DLG2: variants seen among roughly 807,000 people sequenced by gnomAD.
DLG2 encodes disks large homolog 2.
A neutral mutation model predicts 132.5 loss-of-function variants in DLG2; 45 were observed. That is an observed-to-expected ratio of 0.34 (90% CI 0.27 to 0.44). The LOEUF is 0.44. DLG2 is among the 20% of genes least tolerant of loss of function. The pLI is 1.00. For synonymous variants in DLG2, 424 were observed against 419.6 expected (o/e 1.01, Z -0.13); for missense variants, 1,045 against 1,196.9 (o/e 0.87, Z 1.87).
chr11:84,231,348 GA>G (rs565896019), intron 8 of DLG2, among the ~76,000 whole-genome samples: 38 of 152,108 alleles, frequency 2.5e-4, no homozygotes, highest in African/African-American at 4.3e-4. Flanking sequence ...TACATGAGGG[GA>G]AAAAAATCAT....
chr11:84,885,968 T>A (rs2088218877), intron 6 of DLG2, among the ~76,000 whole-genome samples: 1 of 152,114 alleles, frequency 6.6e-6, no homozygotes, highest in Non-Finnish European at 1.5e-5. Flanking sequence ...ATGCCCACTA[T>A]TCACTAGGTA....
At chr11:84,011,344 G>T (rs1045141161) in intron 11 of DLG2, among the ~76,000 whole-genome samples, 1 of 152,012 alleles carries the variant, frequency 6.6e-6, no homozygotes, top group African/African-American at 2.4e-5. Flanking sequence ...GGTGGCATGT[G>T]CCTGTGGTTC....
chr11:85,259,017 CT>C (rs1232176559), intron 4 of DLG2, among the ~76,000 whole-genome samples: 1 of 152,140 alleles, frequency 6.6e-6, no homozygotes, highest in Non-Finnish European at 1.5e-5. Flanking sequence ...CATCTGCCTC[CT>C]TTGAGGTTCT....
Position 84,306,998 on chromosome 11 carries a change from C to A in DLG2, c.520-55707G>T, listed in dbSNP as rs144020257. 3.7e-3 allele frequency among the ~76,000 whole-genome samples: 558 copies of A among 152,240 alleles called. 4 individuals carry two copies. The highest frequency in any genetic ancestry group is 5.1e-3 in the Admixed American group (78 of 15,302). On this transcript the variant is annotated intron_variant, in intron 7 of 27. Coordinates refer to ENST00000376104, the MANE Select transcript of DLG2 (RefSeq NM_001142699.3). The stretch of plus-strand genomic sequence containing the variant: ...CAACAAACCCATTACTGAGTATATA[C>A]CCGAAGGAATATAAATTATAAATTA...
intron 7 of DLG2, chr11:84,316,783 T>C: frequency 6.5e-7 from 1 of 1,543,664 alleles, no homozygotes; most frequent in South Asian, 1.2e-5. Context: ...TGCTCTCACT[T>C]TCTTCAGACA....
At chr11:83,630,436 C>T (rs2063361521) in intron 19 of DLG2, among the ~76,000 whole-genome samples, 1 of 152,152 alleles carries the variant, frequency 6.6e-6, no homozygotes, top group African/African-American at 2.4e-5. Context: ...AATTGTTTCT[C>T]ACAGAACAAA....
intron 18 of DLG2, among the ~76,000 whole-genome samples, chr11:83,662,780 T>C (rs1361946874): frequency 2.0e-5 from 3 of 152,184 alleles, no homozygotes; most frequent in Admixed American, 2.0e-4. Flanking sequence ...GTCAGTAGAA[T>C]TGCAGTTTAG....
chr11:83,857,715 A>AATTC (rs1217832450), intron 16 of DLG2, among the ~76,000 whole-genome samples: 2 of 152,190 alleles, frequency 1.3e-5, no homozygotes, highest in African/African-American at 4.8e-5. Flanking sequence ...TAGCATAATC[A>AATTC]ATTCTAACAA....
chr11:85,263,677 C>G (rs1426670861), intron 4 of DLG2, among the ~76,000 whole-genome samples: 2 of 152,180 alleles, frequency 1.3e-5, no homozygotes. Flanking sequence ...ACGTCTTTCC[C>G]CTGTGACCTT....
intron 13 of DLG2, among the ~76,000 whole-genome samples, chr11:83,963,657 T>C (rs1329529865): frequency 1.3e-5 from 2 of 152,002 alleles, no homozygotes; most frequent in East Asian, 3.9e-4. Context: ...CTTACTTAAA[T>C]GTTCTCCATT....
At chr11:84,591,450 T>C (rs1345987467) in intron 6 of DLG2, among the ~76,000 whole-genome samples, 1 of 151,798 alleles carries the variant, frequency 6.6e-6, no homozygotes, top group African/African-American at 2.4e-5. Context: ...GAGGATCACT[T>C]GGGGTCAGGA....
At chr11:85,208,046 G>C (rs1313693011) in intron 4 of DLG2, among the ~76,000 whole-genome samples, 1 of 151,882 alleles carries the variant, frequency 6.6e-6, no homozygotes, top group African/African-American at 2.4e-5. Context: ...CCAGCAATGG[G>C]GTACTTACTG....
chr11:85,476,215 A>G (rs759808155), intron 3 of DLG2, among the ~76,000 whole-genome samples: 2 of 152,138 alleles, frequency 1.3e-5, no homozygotes, highest in Non-Finnish European at 2.9e-5. Flanking sequence ...GTATCTAAAC[A>G]TAGAAAAGGA....
At chr11:84,366,631 T>C (rs990576974) in intron 7 of DLG2, among the ~76,000 whole-genome samples, 2 of 151,216 alleles carry the variant, frequency 1.3e-5, no homozygotes, top group Non-Finnish European at 3.0e-5. Flanking sequence ...ACCAAGCAAA[T>C]GGAAAACAAA....
intron 11 of DLG2, among the ~76,000 whole-genome samples, chr11:84,043,452 G>A (rs190343130): frequency 1.3e-5 from 2 of 151,852 alleles, no homozygotes; most frequent in Non-Finnish European, 2.9e-5. Context: ...CGGGTCACAA[G>A]GGTTTGTTGT....
chr11:84,981,739 G>A (rs1328322314), intron 6 of DLG2, among the ~76,000 whole-genome samples: 1 of 151,978 alleles, frequency 6.6e-6, no homozygotes, highest in African/African-American at 2.4e-5. Context: ...TCCTCACCCA[G>A]TTACTGCCCT....
At chr11:85,519,653 G>A (rs2074118663) in intron 3 of DLG2, among the ~76,000 whole-genome samples, 2 of 152,192 alleles carry the variant, frequency 1.3e-5, no homozygotes, top group African/African-American at 4.8e-5. Flanking sequence ...CTGTTGGGAA[G>A]GCATGACTGG....
chr11:85,196,751 G>A (rs1278001309), intron 4 of DLG2, among the ~76,000 whole-genome samples: 2 of 152,176 alleles, frequency 1.3e-5, no homozygotes, highest in African/African-American at 2.4e-5. Context: ...TATCCACTTA[G>A]TATGGATAAT....
intron 19 of DLG2, among the ~76,000 whole-genome samples, chr11:83,608,855 G>A (rs1306666117): frequency 6.6e-6 from 1 of 152,076 alleles, no homozygotes; most frequent in Non-Finnish European, 1.5e-5. Context: ...TGAATGAACT[G>A]CTTTATTTCA....
Sources: allele counts gnomAD v4.1 joint callset (sites outside exome capture counted in the v4.1 genomes callset), GRCh38; gene constraint gnomAD v4.1.1; transcripts MANE v1.5; gene names NCBI Gene and HGNC (gene_info 2026-07-23, HGNC 2026-07-21).